Variants in CYP4A11 observed in about 807,000 individuals in gnomAD.
CYP4A11 encodes the protein cytochrome P450 family 4 subfamily A member 11.
A neutral mutation model predicts 57.7 loss-of-function variants in CYP4A11; 52 were observed. That is an observed-to-expected ratio of 0.90 (90% confidence interval 0.72 to 1.14). CYP4A11 has a LOEUF of 1.14. Among genes scored for constraint, CYP4A11 ranks in the 50% most tolerant of loss-of-function variants. CYP4A11 has a pLI of 0.00. For synonymous variants in CYP4A11, 228 were observed against 247.1 expected, an observed-to-expected ratio of 0.92 and a Z score of 0.72; for missense variants, 641 against 642.1, an observed-to-expected ratio of 1.00 and a Z score of 0.02.
chr1:46,933,373 A>G (rs1466766633), intron 9 of CYP4A11, among the ~76,000 whole-genome samples: 1 of 152,202 alleles, frequency 6.6e-6, no homozygotes, highest in East Asian at 1.9e-4. Context: ...TCAGTACAAC[A>G]ACGCTCCAAG....
At chr1:46,938,587 A>G (rs777750408) in intron 1 of CYP4A11, among the ~76,000 whole-genome samples, 4 of 152,228 alleles carry the variant, frequency 2.6e-5, no homozygotes, top group South Asian at 2.1e-4. Flanking sequence ...AATATTTGTT[A>G]AGATAAAATA....
At chr1:46,937,172 A>C (rs1310655540) in intron 3 of CYP4A11, 130 bp downstream of exon 3, 1 of 1,143,160 alleles carries the variant, frequency 8.7e-7, no homozygotes, top group Admixed American at 2.4e-5. Context: ...TTGTTAGAAG[A>C]AGGAAGTGAG....
rs1477234945 is a variant in CYP4A11 at position 46,933,981 on chromosome 1, G to A, written c.1187C>T (p.Pro396Leu). The change falls in exon 9 of 12, where the codon CCC becomes CTC. Residue 396 changes from proline to leucine, a missense_variant. Physicochemically the swap from Pro to Leu is moderately conservative, Grantham distance 98. Transcript: ENST00000310638. ...VPGIGRELST[P>L]VTFPDGRSLP... ...GGAGCGCCCATCAGGGAAGGTGACG[G>A]GAGTGCTGAGCTCTCTGCCAATGCC... 3 of 1,613,970 alleles carry A rather than the reference G, an allele frequency of 1.9e-6. No homozygotes were observed. Among genetic ancestry groups the A allele is most frequent in the African/African-American group, 2.7e-5 (2 of 74,902 alleles).
chr1:46,941,049 A>T, intron 1 of CYP4A11, 190 bp downstream of exon 1: 1 of 967,748 alleles, frequency 1.0e-6, no homozygotes, highest in Non-Finnish European at 1.2e-6. Context: ...GAGGACCAGC[A>T]GGATGGGCTT....
At chr1:46,936,818 TGTG>T (rs1470451411) in intron 3 of CYP4A11, 27 bp from the exon 4 acceptor site, 7 of 36,458 alleles carry the variant, frequency 1.9e-4, no homozygotes, top group Middle Eastern at 8.3e-3. Flanking sequence ...TGTGTGTTTG[TGTG>T]TGTGTGTGTG....
rs538811306 is a variant in CYP4A11 at position 46,936,937 on chromosome 1, C to A, written c.383-146G>T. On this transcript the variant is annotated intron_variant, in intron 3 of 11. Coordinates refer to ENST00000310638, the MANE Select transcript of CYP4A11 (RefSeq NM_000778.4). ...GAGAACTATCCAGAAGAAGCCACGTCATGGGCAAATGCAGGAAAAGGAGGT... is the reference window on the plus strand; with the variant it reads ...GAGAACTATCCAGAAGAAGCCACGTAATGGGCAAATGCAGGAAAAGGAGGT... 2.6e-5 allele frequency: 36 copies of A among 1,410,784 alleles called. No homozygotes were observed. In the East Asian group the frequency reaches 9.0e-4, roughly 35 times the overall value. The allele number at this position is 1,410,784 out of a possible 1,614,324, so 87.4% of individuals were successfully genotyped here.
At position 46,936,674 on chromosome 1, in the gene CYP4A11, C is replaced by T. The variant is rs144065752; in HGVS notation, c.500G>A (p.Arg167Gln). The part of the protein sequence containing the change: ...PYVGLMADSV[R>Q]VMLDKWEELL... ...GAGACATGGACTCACCAGCATCACT[C>T]GTACAGAGTCTGCCATGAGCCCCAC... The change falls in exon 4 of 12, where the codon CGA becomes CAA. Residue 167 changes from arginine to glutamine, a missense_variant. Coordinates refer to ENST00000310638, the MANE Select transcript of CYP4A11 (RefSeq NM_000778.4). 90 of 1,607,044 alleles carry T rather than the reference C, an allele frequency of 5.6e-5. No homozygotes were observed. The highest frequency in any genetic ancestry group is 7.1e-5 in the Non-Finnish European group (84 of 1,176,602).
At position 46,934,573 on chromosome 1, in the gene CYP4A11, A is replaced by G; in HGVS notation, c.791-14T>C. 2.5e-6 allele frequency: 4 copies of G among 1,605,776 alleles called. No homozygotes were observed. The highest frequency in any genetic ancestry group is 2.2e-5 in the East Asian group (1 of 44,706). ...GGATCACTTGGTCTGTACCAGAACA[A>G]TGGTTACCAGGCAGAGCTGAGACCG... On this transcript the variant is annotated splice_polypyrimidine_tract_variant and intron_variant, in intron 6 of 11. Coordinates refer to ENST00000310638, the MANE Select transcript of CYP4A11 (RefSeq NM_000778.4).
intron 1 of CYP4A11, 85 bp from the exon 2 acceptor site, chr1:46,938,222 C>A (rs1681539085): frequency 6.4e-6 from 10 of 1,552,598 alleles, no homozygotes; most frequent in Non-Finnish European, 7.1e-6. Flanking sequence ...CTACAGGAGC[C>A]ATGTAGCGCA....
At chr1:46,933,818 A>G in intron 9 of CYP4A11, 128 bp downstream of exon 9, 1 of 1,411,606 alleles carries the variant, frequency 7.1e-7, no homozygotes. Flanking sequence ...AGTACAAAGT[A>G]TGTTTTTGAT....
rs372646845 is a variant in CYP4A11 at position 46,931,214 on chromosome 1, C to G, written c.1365-904G>C. Among the ~76,000 whole-genome samples the G allele has an allele frequency of 3.9e-5, 6 of 152,290 alleles. No homozygotes were observed. The South Asian group carries it at 6.2e-4, about 16-fold the overall frequency. ...CCTCCACCTCTGCCTGCCACATCCT[C>G]AAGGCTAAAGTCAGATCCCAGCTGC... On this transcript the variant is annotated intron_variant, in intron 11 of 11. Coordinates refer to ENST00000310638, the MANE Select transcript of CYP4A11 (RefSeq NM_000778.4).
In CYP4A11 at chr1:46,937,293, C is replaced by T; in HGVS notation, c.382+9G>A. ...GGGAGTGGGCTGCAGTCCTAGTTTGCACACATACCAATCCATGGAGCCAGG... is the reference window on the plus strand; with the variant it reads ...GGGAGTGGGCTGCAGTCCTAGTTTGTACACATACCAATCCATGGAGCCAGG... On this transcript the variant is annotated intron_variant, in intron 3 of 11. Transcript: ENST00000310638. 1 of 1,613,926 alleles carries T rather than the reference C, an allele frequency of 6.2e-7. No homozygotes were observed. Among genetic ancestry groups the T allele is most frequent in the Non-Finnish European group, 8.5e-7 (1 of 1,179,886 alleles).
chr1:46,939,411 G>A (rs954548913), intron 1 of CYP4A11, among the ~76,000 whole-genome samples: 4 of 152,176 alleles, frequency 2.6e-5, no homozygotes, highest in African/African-American at 9.7e-5. Flanking sequence ...TGTGCAGTAG[G>A]GGATAATGGA....
chr1:46,940,238 G>T (rs1322691067), intron 1 of CYP4A11, among the ~76,000 whole-genome samples: 1 of 152,156 alleles, frequency 6.6e-6, no homozygotes, highest in Non-Finnish European at 1.5e-5. Context: ...ATTGTCTTGA[G>T]CCATGCATAA....
At chr1:46,930,507 G>C (rs548260798) in intron 11 of CYP4A11, among the ~76,000 whole-genome samples, 197 bp from the exon 12 acceptor site, 1 of 152,134 alleles carries the variant, frequency 6.6e-6, no homozygotes, top group African/African-American at 2.4e-5. Context: ...GGACAGAGCC[G>C]TCTTCCTGGG....
chr1:46,940,981 T>C (rs1275964657), intron 1 of CYP4A11: 3 of 985,234 alleles, frequency 3.0e-6, no homozygotes, highest in East Asian at 2.3e-4. Context: ...GCCCTCCACA[T>C]GCAGGACTGC....
intron 11 of CYP4A11, 148 bp from the exon 12 acceptor site, chr1:46,930,458 A>C (rs775432354): frequency 8.3e-5 from 75 of 908,914 alleles, no homozygotes; most frequent in Admixed American, 2.9e-4. Flanking sequence ...GCCCATGGAC[A>C]CTTCTACCCC....
rs1680901218 is a variant in CYP4A11 at position 46,929,813 on chromosome 1, GT to G, written c.*301del. The G allele has an allele frequency of 3.6e-6, 1 of 281,622 alleles. No homozygotes were observed. Among genetic ancestry groups the G allele is most frequent in the African/African-American group, 2.2e-5 (1 of 45,202 alleles). The allele number at this position is 281,622 out of a possible 1,614,324, so 17.4% of individuals were successfully genotyped here. The stretch of plus-strand genomic sequence containing the variant: ...CTTGGTGTTCCAAAGGCCACAAGGG[GT>G]TTTAGACCCTGGATCCTGGACATGA... On this transcript the variant is annotated 3_prime_UTR_variant, in exon 12 of 12. Coordinates refer to ENST00000310638, the MANE Select transcript of CYP4A11 (RefSeq NM_000778.4).
chr1:46,932,538 T>C (rs1307691295), intron 11 of CYP4A11: 1 of 1,415,952 alleles, frequency 7.1e-7, no homozygotes, highest in African/African-American at 1.4e-5. Flanking sequence ...AGGCTGCCCA[T>C]TTGAAGAAGC....
Sources: gnomAD v4.1 joint callset for allele counts (sites outside exome capture counted in the v4.1 genomes callset) on GRCh38, gnomAD v4.1.1 for gene constraint, MANE v1.5 for transcripts, NCBI Gene and HGNC (gene_info 2026-07-23, HGNC 2026-07-21) for gene names.